Variants in EXOC6B observed in about 807,000 individuals in gnomAD.
EXOC6B encodes SEC15 homolog B.
In EXOC6B, 54 loss-of-function variants were observed where a neutral mutation model predicts 113.5. That is an observed-to-expected ratio of 0.48 (90% CI 0.38 to 0.60). EXOC6B has a LOEUF of 0.60. EXOC6B is among the 20% of genes least tolerant of loss of function. EXOC6B has a pLI of 0.00. For missense variants in EXOC6B, 797 were observed against 977.5 expected, an observed-to-expected ratio of 0.82 and a Z score of 2.46; for synonymous variants, 357 against 339.0, an observed-to-expected ratio of 1.05 and a Z score of -0.58.
At chr2:72,301,106 G>T (rs1395006188) in intron 20 of EXOC6B, among the ~76,000 whole-genome samples, 3 of 134,822 alleles carry the variant, frequency 2.2e-5, no homozygotes, top group African/African-American at 3.9e-5. Flanking sequence ...ATAATCATGT[G>T]ATTTTTTGCC....
At position 72,480,674 on chromosome 2, in the gene EXOC6B, G is replaced by A; in HGVS notation, c.1742C>T (p.Thr581Ile). The A allele has an allele frequency of 6.3e-7, 1 of 1,591,772 alleles. No homozygotes were observed. The highest frequency in any genetic ancestry group is 8.6e-7 in the Non-Finnish European group (1 of 1,167,722). ...GTGAACTGTCTCTGGAAGCACATTA[G>A]TGATGTTGGTGATAAATTCTTCCAA... ...KYLEEFITNI[T>I]NVLPETVHTT... Residue 581 changes from threonine to isoleucine, a missense_variant, in exon 17 of 22, where the codon ACT becomes ATT. Physicochemically the swap from Thr to Ile is moderately conservative, Grantham distance 89. Coordinates refer to ENST00000272427, the MANE Select transcript of EXOC6B (RefSeq NM_015189.3).
chr2:72,230,425 T>C (rs1217163881), intron 20 of EXOC6B, among the ~76,000 whole-genome samples: 2 of 152,222 alleles, frequency 1.3e-5, no homozygotes, highest in Non-Finnish European at 2.9e-5. Context: ...CATATCACTA[T>C]CTTTTTGCAA....
intron 18 of EXOC6B, among the ~76,000 whole-genome samples, chr2:72,460,699 C>A (rs1697578174): frequency 1.3e-5 from 2 of 152,130 alleles, no homozygotes; most frequent in Non-Finnish European, 2.9e-5. Context: ...ATTAAAAAAT[C>A]AGGAAACTAC....
chr2:72,251,109 A>G (rs550733242), intron 20 of EXOC6B, among the ~76,000 whole-genome samples: 1 of 152,014 alleles, frequency 6.6e-6, no homozygotes. Context: ...TGTATTTAAT[A>G]TTGGCAATGT....
At chr2:72,558,539 G>C (rs945543078) in intron 8 of EXOC6B, among the ~76,000 whole-genome samples, 2 of 152,150 alleles carry the variant, frequency 1.3e-5, no homozygotes, top group African/African-American at 4.8e-5. Flanking sequence ...AGGAGACCCA[G>C]ACGGTGGATG....
At chr2:72,250,497 C>G (rs1302882434) in intron 20 of EXOC6B, among the ~76,000 whole-genome samples, 1 of 151,972 alleles carries the variant, frequency 6.6e-6, no homozygotes, top group Non-Finnish European at 1.5e-5. Context: ...TGTATGCCAC[C>G]AGGCCTGGCT....
chr2:72,316,618 A>G (rs546526440), intron 20 of EXOC6B, among the ~76,000 whole-genome samples: 3 of 152,346 alleles, frequency 2.0e-5, no homozygotes, highest in Admixed American at 6.5e-5. Flanking sequence ...AAATGCCACA[A>G]AACAATATTA....
chr2:72,785,104 C>G (rs1684292970), intron 1 of EXOC6B, among the ~76,000 whole-genome samples: 1 of 152,222 alleles, frequency 6.6e-6, no homozygotes, highest in South Asian at 2.1e-4. Flanking sequence ...AATTTTAAAG[C>G]TCCAAAATTA....
intron 6 of EXOC6B, among the ~76,000 whole-genome samples, chr2:72,692,541 C>T (rs924088304): frequency 1.3e-5 from 2 of 151,890 alleles, no homozygotes. Context: ...TTAGAAGAGA[C>T]GGGGTTTCAC....
chr2:72,214,797 G>A (rs1200572605), intron 20 of EXOC6B, among the ~76,000 whole-genome samples: 1 of 152,158 alleles, frequency 6.6e-6, no homozygotes, highest in Non-Finnish European at 1.5e-5. Flanking sequence ...CAAAAGCTGA[G>A]AACTCAGGGG....
chr2:72,502,365 C>T (rs1044452776), intron 11 of EXOC6B, among the ~76,000 whole-genome samples: 1 of 152,046 alleles, frequency 6.6e-6, no homozygotes, highest in African/African-American at 2.4e-5. Context: ...CTGGCCATTA[C>T]GACAAAACCT....
chr2:72,475,246 C>T (rs892704183), intron 17 of EXOC6B, among the ~76,000 whole-genome samples: 4 of 152,112 alleles, frequency 2.6e-5, no homozygotes, highest in African/African-American at 9.7e-5. Flanking sequence ...TGGATGCCAG[C>T]AGTGACAACA....
intron 2 of EXOC6B, among the ~76,000 whole-genome samples, chr2:72,740,279 T>G (rs1244358449): frequency 1.3e-5 from 2 of 152,130 alleles, no homozygotes; most frequent in Non-Finnish European, 2.9e-5. Context: ...GAAAATCCTT[T>G]TAGGATTCTA....
At chr2:72,621,055 A>C (rs1671712506) in intron 6 of EXOC6B, among the ~76,000 whole-genome samples, 2 of 152,188 alleles carry the variant, frequency 1.3e-5, no homozygotes, top group Non-Finnish European at 2.9e-5. Context: ...CTGTTGGTGG[A>C]TATGTAAATT....
chr2:72,357,387 C>T (rs1690026051), intron 19 of EXOC6B, among the ~76,000 whole-genome samples: 1 of 151,914 alleles, frequency 6.6e-6, no homozygotes, highest in South Asian at 2.1e-4. Flanking sequence ...TGATGGTGGT[C>T]CCATAAGATT....
chr2:72,717,580 TA>T (rs1679703773), intron 6 of EXOC6B, among the ~76,000 whole-genome samples: 1 of 152,226 alleles, frequency 6.6e-6, no homozygotes. Context: ...AACAAATGTA[TA>T]TACTGCTAAC....
intron 6 of EXOC6B, among the ~76,000 whole-genome samples, chr2:72,685,046 G>A (rs2104562978): frequency 6.6e-6 from 1 of 152,242 alleles, no homozygotes; most frequent in African/African-American, 2.4e-5. Context: ...AGTGTTTAGA[G>A]GTGAAGTGTA....
chr2:72,559,811 C>A (rs1703787205), intron 7 of EXOC6B, among the ~76,000 whole-genome samples: 1 of 152,156 alleles, frequency 6.6e-6, no homozygotes, highest in African/African-American at 2.4e-5. Context: ...AGAGATATAT[C>A]TTTGACCATG....
chr2:72,563,770 A>T (rs1040769299), intron 7 of EXOC6B, among the ~76,000 whole-genome samples: 2 of 152,102 alleles, frequency 1.3e-5, no homozygotes, highest in Admixed American at 6.5e-5. Context: ...TCTCTAGTAC[A>T]TCTTAGTTCA....
Sources: allele counts gnomAD v4.1 joint callset (sites outside exome capture counted in the v4.1 genomes callset), GRCh38; gene constraint gnomAD v4.1.1; transcripts MANE v1.5; gene names NCBI Gene and HGNC (gene_info 2026-07-23, HGNC 2026-07-21).